CCDC73: variants seen among roughly 807,000 people sequenced by gnomAD.
CCDC73 encodes the protein coiled-coil domain-containing protein 73.
CCDC73 carries 95 observed loss-of-function variants against 116.5 expected under a neutral mutation model. The observed-to-expected ratio is 0.82, with a 90% CI of 0.69 to 0.97. The LOEUF (loss-of-function observed/expected upper bound fraction) is 0.97, where lower values mean the gene tolerates loss of function less well. Ranked by LOEUF, CCDC73 falls within the 50% of genes least tolerant of loss-of-function variation. CCDC73 has a pLI of 0.00. For synonymous variants in CCDC73, 398 were observed against 401.3 expected (o/e 0.99, Z 0.10); for missense variants, 1,066 against 1,206.8 (o/e 0.88, Z 1.73).
At chr11:32,767,529 C>T (rs1424531269) in intron 1 of CCDC73, among the ~76,000 whole-genome samples, 2 of 152,132 alleles carry the variant, frequency 1.3e-5, no homozygotes, top group African/African-American at 2.4e-5. Context: ...TCAGAGTGAA[C>T]AGGCAACCTA....
intron 1 of CCDC73, among the ~76,000 whole-genome samples, chr11:32,785,390 TTTTC>T (rs1170933558): frequency 3.9e-5 from 6 of 151,970 alleles, no homozygotes; most frequent in African/African-American, 1.4e-4. Flanking sequence ...ATGCACCAGT[TTTTC>T]TTTTATTTTT....
intron 9 of CCDC73, among the ~76,000 whole-genome samples, chr11:32,667,067 G>GC (rs1368952557): frequency 6.6e-6 from 1 of 152,212 alleles, no homozygotes; most frequent in African/African-American, 2.4e-5. Context: ...GTGTCAGTCT[G>GC]CCCCTACTGG....
chr11:32,706,826 C>G (rs1849860058), intron 3 of CCDC73, among the ~76,000 whole-genome samples: 1 of 152,138 alleles, frequency 6.6e-6, no homozygotes, highest in South Asian at 2.1e-4. Flanking sequence ...TCATGCCCAT[C>G]AAATTAAAAG....
intron 1 of CCDC73, among the ~76,000 whole-genome samples, chr11:32,790,194 T>C (rs111820032): frequency 0.03 from 4,545 of 152,284 alleles, 86 homozygotes; most frequent in Non-Finnish European, 0.039. Context: ...TACCATCACA[T>C]ATTCTGCTCT....
At chr11:32,704,982 A>T (rs1363338085) in intron 3 of CCDC73, among the ~76,000 whole-genome samples, 1 of 152,138 alleles carries the variant, frequency 6.6e-6, no homozygotes, top group African/African-American at 2.4e-5. Context: ...TGGGACAAGA[A>T]CTCAGAACCC....
At chr11:32,611,393 A>G (rs1350181523) in intron 16 of CCDC73, 128 bp from the exon 17 acceptor site, 1 of 815,410 alleles carries the variant, frequency 1.2e-6, no homozygotes, top group African/African-American at 1.7e-5. Context: ...AATGTTGAAT[A>G]TTTTGCAGTT....
chr11:32,783,600 G>T (rs1850601172), intron 1 of CCDC73, among the ~76,000 whole-genome samples: 1 of 152,172 alleles, frequency 6.6e-6, no homozygotes, highest in Admixed American at 6.5e-5. Flanking sequence ...CATGGTGGAA[G>T]GGGTGAGGAA....
At chr11:32,624,888 G>A (rs1286617424) in intron 14 of CCDC73, among the ~76,000 whole-genome samples, 9 of 152,188 alleles carry the variant, frequency 5.9e-5, no homozygotes, top group Non-Finnish European at 1.2e-4. Context: ...GTAGGGACAT[G>A]GATGAAGGTG....
chr11:32,718,364 A>G (rs1849963437), intron 2 of CCDC73, among the ~76,000 whole-genome samples: 1 of 152,202 alleles, frequency 6.6e-6, no homozygotes, highest in African/African-American at 2.4e-5. Flanking sequence ...GTGCCTAGAG[A>G]AACAGAACCC....
intron 2 of CCDC73, 101 bp downstream of exon 2, chr11:32,760,008 A>C: frequency 1.0e-6 from 1 of 956,424 alleles, no homozygotes; most frequent in Non-Finnish European, 1.6e-6. Context: ...TTTTATTTCT[A>C]AACAAGAGGG....
intron 1 of CCDC73, among the ~76,000 whole-genome samples, chr11:32,773,033 C>T (rs1850503898): frequency 6.6e-6 from 1 of 152,096 alleles, no homozygotes; most frequent in Non-Finnish European, 1.5e-5. Flanking sequence ...TGCCTATCAA[C>T]TGGTGAATGG....
In CCDC73 at chr11:32,623,101, C is replaced by T. The variant is rs550825654; in HGVS notation, c.1186-6972G>A. On this transcript the variant is annotated intron_variant, in intron 14 of 17. Coordinates refer to ENST00000335185, the MANE Select transcript of CCDC73 (RefSeq NM_001008391.4). ...TCAGCTCATTGTAACCTCTGCCTTC[C>T]GGTTTCAAGTGATTCTCCTGCCTCA... Among the ~76,000 whole-genome samples, 5 of 152,036 alleles carry T rather than the reference C, an allele frequency of 3.3e-5. No homozygotes were observed. In the East Asian group the frequency reaches 5.8e-4, roughly 18 times the overall value.
intron 1 of CCDC73, among the ~76,000 whole-genome samples, chr11:32,777,000 T>C (rs984367160): frequency 1.1e-5 from 1 of 91,596 alleles, no homozygotes; most frequent in Non-Finnish European, 2.5e-5. Context: ...TATATATATA[T>C]ATATATATAT....
the CCDC73 span, among the ~76,000 whole-genome samples, chr11:32,829,085 T>C: frequency 6.6e-6 from 1 of 152,074 alleles, no homozygotes; most frequent in Non-Finnish European, 1.5e-5. Flanking sequence ...GGCAACAAAG[T>C]GAGACCCCCT....
intron 12 of CCDC73, among the ~76,000 whole-genome samples, chr11:32,645,285 C>CTT (rs1273026839): frequency 9.7e-6 from 1 of 103,028 alleles, no homozygotes; most frequent in African/African-American, 3.7e-5. Context: ...TTTTCTTTTT[C>CTT]TTTTTCTTTT....
the CCDC73 span, among the ~76,000 whole-genome samples, chr11:32,806,583 C>T: frequency 6.7e-6 from 1 of 149,956 alleles, no homozygotes; most frequent in Non-Finnish European, 1.5e-5. Context: ...GAGATCATGC[C>T]ACTGCACTCT....
chr11:32,722,315 T>C (rs1849996889), intron 2 of CCDC73, among the ~76,000 whole-genome samples: 1 of 152,156 alleles, frequency 6.6e-6, no homozygotes, highest in Non-Finnish European at 1.5e-5. Context: ...CAAAAGCTTT[T>C]CCAGAAGCTT....
chr11:32,747,329 C>G (rs186450887), intron 2 of CCDC73, among the ~76,000 whole-genome samples: 1 of 152,074 alleles, frequency 6.6e-6, no homozygotes, highest in Admixed American at 6.6e-5. Flanking sequence ...GGGCACCTGC[C>G]TATATGAGGT....
At chr11:32,700,169 G>A (rs1849799937) in intron 5 of CCDC73, among the ~76,000 whole-genome samples, 1 of 151,746 alleles carries the variant, frequency 6.6e-6, no homozygotes, top group Admixed American at 6.6e-5. Context: ...GATACAGGTG[G>A]TATTTATCTA....
Sources: allele counts gnomAD v4.1 joint callset (sites outside exome capture counted in the v4.1 genomes callset), GRCh38; gene constraint gnomAD v4.1.1; transcripts MANE v1.5; gene names NCBI Gene and HGNC (gene_info 2026-07-23, HGNC 2026-07-21).